Variants in SETBP1 observed in about 807,000 individuals in gnomAD.
SETBP1 encodes SET-binding protein.
In SETBP1, 9 loss-of-function variants were observed where a neutral mutation model predicts 101.0. That is an observed-to-expected ratio of 0.09 (90% CI 0.05 to 0.16). SETBP1 has a LOEUF of 0.16. SETBP1 is among the 10% of genes least tolerant of loss of function. SETBP1 has a pLI of 1.00. For synonymous variants in SETBP1, 818 were observed against 788.5 expected, an observed-to-expected ratio of 1.04 and a Z score of -0.63; for missense variants, 1,858 against 2,033.8, an observed-to-expected ratio of 0.91 and a Z score of 1.66.
intron 4 of SETBP1, among the ~76,000 whole-genome samples, chr18:45,018,765 T>C (rs531773078): frequency 2.9e-4 from 44 of 152,228 alleles, no homozygotes; most frequent in Non-Finnish European, 5.7e-4. Context: ...ATGTATCTGA[T>C]TGATTCTATG....
intron 3 of SETBP1, among the ~76,000 whole-genome samples, chr18:44,911,743 A>G (rs1006852930): frequency 2.0e-5 from 3 of 152,180 alleles, no homozygotes; most frequent in Non-Finnish European, 2.9e-5. Flanking sequence ...GTCCTGCTCT[A>G]TATGCTATTC....
At chr18:45,049,972 G>A (rs2073695144) in intron 5 of SETBP1, among the ~76,000 whole-genome samples, 1 of 152,146 alleles carries the variant, frequency 6.6e-6, no homozygotes, top group African/African-American at 2.4e-5. Context: ...CATGAAATTA[G>A]CTTTGAAATG....
At chr18:45,060,021 C>G (rs1033457260) in intron 5 of SETBP1, among the ~76,000 whole-genome samples, 1 of 152,148 alleles carries the variant, frequency 6.6e-6, no homozygotes, top group Non-Finnish European at 1.5e-5. Context: ...AAGTAGTATA[C>G]TTAAACATGT....
chr18:44,764,065 C>A (rs1415228899), intron 2 of SETBP1, among the ~76,000 whole-genome samples: 1 of 152,242 alleles, frequency 6.6e-6, no homozygotes, highest in African/African-American at 2.4e-5. Context: ...TTTAAACCAT[C>A]AGTCAAATTA....
At chr18:44,760,073 A>G (rs1229597772) in intron 2 of SETBP1, among the ~76,000 whole-genome samples, 1 of 152,194 alleles carries the variant, frequency 6.6e-6, no homozygotes, top group East Asian at 1.9e-4. Flanking sequence ...TCTTGTTACA[A>G]TAGCTGTAAC....
intron 4 of SETBP1, among the ~76,000 whole-genome samples, chr18:44,956,896 C>A (rs1272305808): frequency 6.6e-6 from 1 of 152,174 alleles, no homozygotes; most frequent in African/African-American, 2.4e-5. Flanking sequence ...TCTAACATAC[C>A]TAGGGCTAGG....
chr18:44,753,852 GGT>G (rs2070438690), intron 2 of SETBP1, among the ~76,000 whole-genome samples: 1 of 152,178 alleles, frequency 6.6e-6, no homozygotes, highest in Non-Finnish European at 1.5e-5. Flanking sequence ...GAAGAGACAA[GGT>G]GAAGAAGGAT....
intron 2 of SETBP1, among the ~76,000 whole-genome samples, chr18:44,868,701 CGGAAGGAAGGGAGGAA>C (rs1218116023): frequency 0.079 from 8,815 of 112,210 alleles, 689 homozygotes; most frequent in Middle Eastern, 0.12. Context: ...AGAGAGAGGA[CGGAAGGAAGGGAGGAA>C]GGAAGGAAGG....
intron 2 of SETBP1, among the ~76,000 whole-genome samples, chr18:44,710,943 G>A (rs1410208254): frequency 1.3e-5 from 2 of 152,128 alleles, no homozygotes; most frequent in Non-Finnish European, 2.9e-5. Context: ...GAGGAGGGCA[G>A]GAGTTAAGTA....
intron 2 of SETBP1, among the ~76,000 whole-genome samples, chr18:44,778,750 C>G (rs761539550): frequency 2.0e-5 from 3 of 152,216 alleles, no homozygotes; most frequent in Non-Finnish European, 2.9e-5. Context: ...GAGGAGCCTG[C>G]GGAAGGCTTC....
chr18:44,736,593 T>G (rs2069973411), intron 2 of SETBP1, among the ~76,000 whole-genome samples: 1 of 152,182 alleles, frequency 6.6e-6, no homozygotes, highest in African/African-American at 2.4e-5. Flanking sequence ...GTAGATTCTA[T>G]CCTACTTCAC....
At chr18:44,797,459 G>A (rs2071504256) in intron 2 of SETBP1, among the ~76,000 whole-genome samples, 1 of 152,160 alleles carries the variant, frequency 6.6e-6, no homozygotes, top group East Asian at 1.9e-4. Flanking sequence ...GATACTGCTA[G>A]CTGTCATGAC....
Position 44,758,080 on chromosome 18 carries a change from C to T in SETBP1, c.486+56248C>T, listed in dbSNP as rs140559253. ...AGGAGGGAGAACAGGGAAATCCCAG[C>T]TTCCATCCGTCCCATCTATTATCCG... On this transcript the variant is annotated intron_variant, in intron 2 of 5. Coordinates refer to ENST00000649279, the MANE Select transcript of SETBP1 (RefSeq NM_015559.3). 4.0e-3 allele frequency among the ~76,000 whole-genome samples: 616 copies of T among 152,242 alleles called. 5 individuals carry two copies. The highest frequency in any genetic ancestry group is 0.014 in the African/African-American group (581 of 41,548).
chr18:44,858,473 A>G (rs1450456560), intron 2 of SETBP1, among the ~76,000 whole-genome samples: 1 of 152,288 alleles, frequency 6.6e-6, no homozygotes, highest in Non-Finnish European at 1.5e-5. Flanking sequence ...GCTAATTAAA[A>G]TAAACAAGCA....
At chr18:45,030,500 TG>T (rs941157204) in intron 4 of SETBP1, among the ~76,000 whole-genome samples, 3 of 139,600 alleles carry the variant, frequency 2.1e-5, no homozygotes, top group African/African-American at 8.4e-5. Context: ...TGCCAGGCTT[TG>T]GTATCAGGAT....
At chr18:44,817,120 A>G (rs1174603324) in intron 2 of SETBP1, among the ~76,000 whole-genome samples, 2 of 152,166 alleles carry the variant, frequency 1.3e-5, no homozygotes, top group Non-Finnish European at 2.9e-5. Flanking sequence ...GAAGGCTTGG[A>G]TCCAAATGAC....
chr18:44,897,382 A>G (rs548257726), intron 3 of SETBP1, among the ~76,000 whole-genome samples: 2 of 152,254 alleles, frequency 1.3e-5, no homozygotes, highest in African/African-American at 2.4e-5. Context: ...TGGTGCTTCT[A>G]TTGATCCATG....
chr18:44,996,332 G>A (rs770476822), intron 4 of SETBP1, among the ~76,000 whole-genome samples: 1 of 152,178 alleles, frequency 6.6e-6, no homozygotes, highest in Non-Finnish European at 1.5e-5. Flanking sequence ...ATACAGCAAG[G>A]CTCTCCATCT....
intron 4 of SETBP1, among the ~76,000 whole-genome samples, chr18:45,004,754 G>C (rs1476533329): frequency 6.6e-6 from 1 of 152,188 alleles, no homozygotes; most frequent in African/African-American, 2.4e-5. Flanking sequence ...TCATGGGTGA[G>C]AGCTTATTTC....
Sources: gnomAD v4.1 joint callset for allele counts (sites outside exome capture counted in the v4.1 genomes callset) on GRCh38, gnomAD v4.1.1 for gene constraint, MANE v1.5 for transcripts, NCBI Gene and HGNC (gene_info 2026-07-23, HGNC 2026-07-21) for gene names.